SPG11: variants seen among roughly 807,000 people sequenced by gnomAD.
SPG11 encodes the protein spatacsin.
A neutral mutation model predicts 274.0 loss-of-function variants in SPG11; 222 were observed. That is an observed-to-expected ratio of 0.81 (90% CI 0.73 to 0.91). The LOEUF is 0.91. SPG11 is among the 40% of genes least tolerant of loss of function. The pLI, the probability that SPG11 is intolerant of heterozygous loss-of-function variation, is 0.00. For missense variants in SPG11, 3,114 were observed against 2,872.7 expected (o/e 1.08, Z -1.92); for synonymous variants, 1,144 against 1,039.7 (o/e 1.10, Z -1.93).
chr15:44,608,940 A>T (rs2083389859), intron 18 of SPG11, among the ~76,000 whole-genome samples: 1 of 152,088 alleles, frequency 6.6e-6, no homozygotes, highest in African/African-American at 2.4e-5. Context: ...ATATTTTAAA[A>T]TATTTACAAA....
At chr15:44,586,054 C>A (rs190702473) in intron 28 of SPG11, among the ~76,000 whole-genome samples, 1 of 144,712 alleles carries the variant, frequency 6.9e-6, no homozygotes, top group South Asian at 2.2e-4. Context: ...GTGTGATCTC[C>A]GCTCGCTGCA....
At position 44,633,568 on chromosome 15, in the gene SPG11, G is replaced by A; in HGVS notation, c.1672C>T (p.Pro558Ser). The change falls in exon 8 of 40, where the codon CCA (proline) becomes TCA (serine). Residue 558 changes from proline to serine, a missense_variant. By Grantham distance (74) the Pro-to-Ser change is moderately conservative. Transcript: ENST00000261866. Reference protein sequence around the residue: ...FLKSKENLFNPSSKSSVSDQF... With the variant: ...FLKSKENLFNSSSKSSVSDQF... ...TCAGATACAGAAGATTTTGAGGATG[G>A]ATTAAAAAGATTTTCCTTGCTCTTC... The A allele has an allele frequency of 5.6e-6, 9 of 1,612,040 alleles. No homozygotes were observed. The highest frequency in any genetic ancestry group is 2.2e-5 in the South Asian group (2 of 90,972).
intron 20 of SPG11, among the ~76,000 whole-genome samples, chr15:44,605,580 GC>G (rs2083297626): frequency 6.6e-6 from 1 of 152,142 alleles, no homozygotes; most frequent in African/African-American, 2.4e-5. Flanking sequence ...TAAATGCCTT[GC>G]CTCCTTTTAT....
At chr15:44,612,116 G>C (rs962195758) in intron 17 of SPG11, among the ~76,000 whole-genome samples, 1 of 152,074 alleles carries the variant, frequency 6.6e-6, no homozygotes, top group South Asian at 2.1e-4. Flanking sequence ...GCCTAAAATG[G>C]TCATTGTCTT....
At chr15:44,640,716 G>C (rs1567183114) in intron 7 of SPG11, among the ~76,000 whole-genome samples, 1 of 152,058 alleles carries the variant, frequency 6.6e-6, no homozygotes, top group Non-Finnish European at 1.5e-5. Context: ...CAGATCAGCA[G>C]TAAAAGACAG....
In SPG11 at chr15:44,659,217, T is replaced by C. The variant is rs1472010162; in HGVS notation, c.529A>G (p.Ile177Val). Residue 177 changes from isoleucine (I) to valine (V), a missense_variant, in exon 3 of 40, where the codon ATA becomes GTA. Physicochemically the swap from Ile to Val is conservative, Grantham distance 29. Transcript: ENST00000261866. ...ATTGCAGCATCTCTTTCAGGAAATA[T>C]AATATGTAGGATGACACATTTGTTG... ...FINKCVILHI[I>V]FPERDAAIRV... The C allele has an allele frequency of 1.9e-6, 3 of 1,614,194 alleles. No individual in the cohort carries two copies. Among genetic ancestry groups the C allele is most frequent in the South Asian group, 2.2e-5 (2 of 91,086 alleles).
rs76287512 is a variant in SPG11, at chr15:44,641,123, C to T, written c.1603-7486G>A. On this transcript the variant is annotated intron_variant, in intron 7 of 39. Transcript: ENST00000261866. ...GTATAAGTTTTAAATGGATAAAGAA[C>T]TTAAATGTGAAAATCATAATTTATA... Among the ~76,000 whole-genome samples, 115 of 152,160 alleles carry T rather than the reference C, an allele frequency of 7.6e-4. No individual in the cohort carries two copies. The East Asian group carries it at 0.02, about 27-fold the overall frequency.
At chr15:44,583,117 C>A (rs2082687844) in intron 30 of SPG11, among the ~76,000 whole-genome samples, 1 of 152,178 alleles carries the variant, frequency 6.6e-6, no homozygotes, top group Non-Finnish European at 1.5e-5. Context: ...TGTAGAAAAT[C>A]TTGAGGAATC....
In SPG11 at chr15:44,592,352, C is replaced by T; in HGVS notation, c.4722G>A (p.Glu1574=). ...TTACCGTTTCAAGGCTCTTCTGAAA[C>T]TCCAGAAGTTTAGCTTCAGCTTCTT... ...NYKEAEAKLL[E]FQKSLETLNT... is the part of the protein sequence containing the mutation. The change falls in exon 27 of 40, where the codon GAG becomes GAA. Residue 1574 remains glutamate, a synonymous_variant. Coordinates refer to ENST00000261866, the MANE Select transcript of SPG11 (RefSeq NM_025137.4). 1 of 1,606,920 alleles carries T rather than the reference C, an allele frequency of 6.2e-7. No homozygotes were observed. The highest frequency in any genetic ancestry group is 8.5e-7 in the Non-Finnish European group (1 of 1,173,452).
intron 30 of SPG11, among the ~76,000 whole-genome samples, chr15:44,577,170 T>C (rs1404348450): frequency 6.6e-6 from 1 of 152,184 alleles, no homozygotes; most frequent in African/African-American, 2.4e-5. Context: ...TTATGTGATT[T>C]GCTACACTAA....
In SPG11 at chr15:44,584,495, C is replaced by A; in HGVS notation, c.5185G>T (p.Asp1729Tyr). ...TTCTCATGGCATTTTTTCCAGAAGTCAATTCTTGCTTGTTTTAGTGACCAC... is the reference window on the plus strand; with the variant it reads ...TTCTCATGGCATTTTTTCCAGAAGTAAATTCTTGCTTGTTTTAGTGACCAC... ...EQWSLKQARIDFWKKCHENFK... is the reference protein window; with the variant it reads ...EQWSLKQARIYFWKKCHENFK... Residue 1729 changes from aspartate to tyrosine, a missense_variant, in exon 30 of 40, where the codon GAC (aspartate) becomes TAC (tyrosine). Physicochemically the swap from Asp to Tyr is radical, Grantham distance 160. Transcript: ENST00000261866. The A allele has an allele frequency of 6.2e-7, 1 of 1,613,988 alleles. No individual in the cohort carries two copies. Among genetic ancestry groups the A allele is most frequent in the Non-Finnish European group, 8.5e-7 (1 of 1,180,016 alleles).
At chr15:44,662,673 AAGC>A (rs1315638342) in intron 1 of SPG11, among the ~76,000 whole-genome samples, 3 of 151,046 alleles carry the variant, frequency 2.0e-5, no homozygotes, top group Non-Finnish European at 4.4e-5. Flanking sequence ...AAAAAAAAAA[AAGC>A]AGCAGCCCAC....
chr15:44,648,871 G>C lies in SPG11; in HGVS notation c.1597C>G (p.Leu533Val). 1.2e-6 allele frequency: 2 copies of C among 1,614,002 alleles called. No homozygotes were observed. Among genetic ancestry groups the C allele is most frequent in the Non-Finnish European group, 1.7e-6 (2 of 1,179,956 alleles). The change falls in exon 7 of 40, where the codon CTA becomes GTA. Residue 533 changes from leucine (L) to valine (V), a missense_variant. Coordinates refer to ENST00000261866, the MANE Select transcript of SPG11 (RefSeq NM_025137.4). ...TGGGCATTTAATTCTGTTACCTCTA[G>C]TGCATGTATGGGAATTGAGCACCTT... is the stretch of plus-strand genomic sequence containing the variant. ...WGRCSIPIHA[L>V]EAGIENRQLD... is the part of the protein sequence containing the mutation.
chr15:44,581,150 C>T (rs1567136642), intron 30 of SPG11, among the ~76,000 whole-genome samples: 1 of 152,178 alleles, frequency 6.6e-6, no homozygotes, highest in East Asian at 1.9e-4. Flanking sequence ...TCATCAGACA[C>T]CATGGAGGCG....
intron 20 of SPG11, 64 bp from the exon 21 acceptor site, chr15:44,600,696 C>T: frequency 3.9e-6 from 6 of 1,524,914 alleles, no homozygotes; most frequent in Non-Finnish European, 5.4e-6. Flanking sequence ...CAGATTTGCA[C>T]ATGGAACTCT....
chr15:44,600,344 GC>G, intron 21 of SPG11, 122 bp downstream of exon 21: 1 of 1,021,484 alleles, frequency 9.8e-7, no homozygotes, highest in Non-Finnish European at 1.5e-6. Flanking sequence ...GAGTGCAGTG[GC>G]ATGACCATAG....
intron 1 of SPG11, 108 bp downstream of exon 1, chr15:44,663,283 C>G (rs1260104188): frequency 6.9e-6 from 10 of 1,454,394 alleles, no homozygotes; most frequent in Non-Finnish European, 9.4e-6. Flanking sequence ...ACCCTTCTCC[C>G]GCCACCTCTA....
intron 27 of SPG11, among the ~76,000 whole-genome samples, chr15:44,591,572 G>A (rs2082900159): frequency 6.6e-6 from 1 of 152,162 alleles, no homozygotes. Context: ...GGAGTAATAG[G>A]CTAAGGAAAT....
At chr15:44,597,651 A>G (rs536736037) in intron 23 of SPG11, among the ~76,000 whole-genome samples, 1 of 152,184 alleles carries the variant, frequency 6.6e-6, no homozygotes, top group Non-Finnish European at 1.5e-5. Context: ...GGGGTAGGGT[A>G]CATGTTCCTG....
Sources: allele counts gnomAD v4.1 joint callset (sites outside exome capture counted in the v4.1 genomes callset), GRCh38; gene constraint gnomAD v4.1.1; transcripts MANE v1.5; gene names NCBI Gene and HGNC (gene_info 2026-07-23, HGNC 2026-07-21).